Variants in FAM13A observed in about 807,000 individuals in gnomAD.
FAM13A encodes the protein protein FAM13A.
In FAM13A, 76 loss-of-function variants were observed where a neutral mutation model predicts 129.6. The ratio of observed to expected loss-of-function variants is 0.59; its 90% CI spans 0.49 to 0.71. FAM13A has a LOEUF of 0.71. FAM13A is among the 30% of genes least tolerant of loss of function. The pLI, the probability that FAM13A is intolerant of heterozygous loss-of-function variation, is 0.00. For missense variants in FAM13A, 1,108 were observed against 1,249.3 expected (o/e 0.89, Z 1.70); for synonymous variants, 443 against 449.9 (o/e 0.98, Z 0.20).
At chr4:88,845,604 AT>A (rs1736510233) in intron 7 of FAM13A, among the ~76,000 whole-genome samples, 1 of 152,222 alleles carries the variant, frequency 6.6e-6, no homozygotes, top group Non-Finnish European at 1.5e-5. Flanking sequence ...ATTAAAAAAA[AT>A]TGAAAAAATG....
intron 7 of FAM13A, among the ~76,000 whole-genome samples, chr4:88,836,864 G>T (rs1330333027): frequency 6.6e-6 from 1 of 151,868 alleles, no homozygotes; most frequent in Admixed American, 6.6e-5. Context: ...GGAGGCTGAG[G>T]CAGGAGAATC....
At chr4:88,732,889 G>A (rs1738151476) in intron 21 of FAM13A, among the ~76,000 whole-genome samples, 1 of 151,254 alleles carries the variant, frequency 6.6e-6, no homozygotes. Context: ...TATTGATAAT[G>A]CAAATAGAAA....
intron 3 of FAM13A, among the ~76,000 whole-genome samples, chr4:88,998,128 C>T (rs1044153503): frequency 3.9e-5 from 6 of 152,182 alleles, no homozygotes; most frequent in African/African-American, 9.7e-5. Flanking sequence ...GGAGCCTAGA[C>T]TGTCACCTTG....
At chr4:88,864,179 C>T (rs559291921) in intron 6 of FAM13A, among the ~76,000 whole-genome samples, 10 of 152,120 alleles carry the variant, frequency 6.6e-5, no homozygotes, top group Non-Finnish European at 1.2e-4. Flanking sequence ...GAGAAGTAGT[C>T]AAAGGAATGC....
intron 4 of FAM13A, among the ~76,000 whole-genome samples, chr4:88,969,209 T>C (rs73843733): frequency 1.6e-3 from 245 of 152,204 alleles, no homozygotes; most frequent in African/African-American, 5.6e-3. Context: ...AAATAAAAAA[T>C]TTAAAAGAAA....
intron 11 of FAM13A, among the ~76,000 whole-genome samples, chr4:88,770,333 T>G (rs1048409362): frequency 1.1e-4 from 16 of 152,222 alleles, no homozygotes; most frequent in African/African-American, 3.9e-4. Context: ...TTCAACAGAT[T>G]ATCAGACTCT....
intron 4 of FAM13A, among the ~76,000 whole-genome samples, chr4:88,978,673 A>C (rs868037230): frequency 1.3e-5 from 2 of 152,122 alleles, no homozygotes; most frequent in Non-Finnish European, 1.5e-5. Context: ...GGGCGCCTGT[A>C]GTCCCAGCTG....
In FAM13A at chr4:88,731,380, C is replaced by T; in HGVS notation, c.2892G>A (p.Arg964=). 6.2e-7 allele frequency: 1 copy of T among 1,608,158 alleles called. No homozygotes were observed. Among genetic ancestry groups the T allele is most frequent in the Non-Finnish European group, 8.5e-7 (1 of 1,179,656 alleles). The part of the protein sequence containing the change: ...HLQEMREEKK[R]IRKKLRDFED... ...CAAAATCCCGAAGTTTCTTTCGAATCCTTTTCTTTTCTTCTCTCATTTCCT... is the reference window on the plus strand; with the variant it reads ...CAAAATCCCGAAGTTTCTTTCGAATTCTTTTCTTTTCTTCTCTCATTTCCT... The change falls in exon 23 of 24, where the codon AGG becomes AGA. Residue 964 remains arginine, a synonymous_variant. Coordinates refer to ENST00000264344, the MANE Select transcript of FAM13A (RefSeq NM_014883.4).
chr4:88,906,005 T>C (rs894699267), intron 6 of FAM13A, among the ~76,000 whole-genome samples: 4 of 152,256 alleles, frequency 2.6e-5, no homozygotes, highest in African/African-American at 9.6e-5. Flanking sequence ...AGAAACATGC[T>C]GGCCGGGCAT....
chr4:89,016,792 G>A (rs763120112), intron 3 of FAM13A, among the ~76,000 whole-genome samples: 1 of 151,850 alleles, frequency 6.6e-6, no homozygotes, highest in African/African-American at 2.4e-5. Flanking sequence ...ATGCCTCCAC[G>A]CCCTGCTAAT....
chr4:88,851,206 G>T, intron 6 of FAM13A, 23 bp from the exon 7 acceptor site: 1 of 1,530,292 alleles, frequency 6.5e-7, no homozygotes, highest in African/African-American at 1.4e-5. Context: ...AAAAAGAGGG[G>T]TGGGGGAGAG....
At chr4:88,949,678 G>A (rs999700881) in intron 4 of FAM13A, among the ~76,000 whole-genome samples, 3 of 152,140 alleles carry the variant, frequency 2.0e-5, no homozygotes, top group Non-Finnish European at 2.9e-5. Context: ...TTAGAATTGA[G>A]GTGAGGCAAT....
At chr4:88,795,445 A>G (rs1284518890) in intron 8 of FAM13A, among the ~76,000 whole-genome samples, 1 of 151,812 alleles carries the variant, frequency 6.6e-6, no homozygotes, top group Admixed American at 6.6e-5. Flanking sequence ...GATGTTTTCA[A>G]TTTTATATAT....
intron 5 of FAM13A, among the ~76,000 whole-genome samples, chr4:88,922,640 A>G (rs1447872621): frequency 6.6e-6 from 1 of 152,198 alleles, no homozygotes; most frequent in Non-Finnish European, 1.5e-5. Context: ...CAATTAAAAG[A>G]ACTAGAAAAG....
At chr4:88,967,219 T>G (rs897007754) in intron 4 of FAM13A, among the ~76,000 whole-genome samples, 8 of 152,246 alleles carry the variant, frequency 5.3e-5, no homozygotes, top group Non-Finnish European at 8.8e-5. Context: ...ATAGTGTTTC[T>G]GTGTGTTTTC....
chr4:88,960,917 A>G (rs1204057588), intron 4 of FAM13A, among the ~76,000 whole-genome samples: 1 of 152,204 alleles, frequency 6.6e-6, no homozygotes, highest in Admixed American at 6.5e-5. Flanking sequence ...AAGAAACTTT[A>G]AAAAAATTAT....
Position 89,020,460 on chromosome 4 carries a change from C to T in FAM13A, c.427G>A (p.Asp143Asn), listed in dbSNP as rs1767112564. ...TCCTAAAAGGATTTATTGTACTAAC[C>T]CTGAAAGAGTTGAATGAATCGAGGC... Reference protein sequence around the residue: ...LQPRFIQLFQDGRNDVQESSL... With the variant: ...LQPRFIQLFQNGRNDVQESSL... Residue 143 changes from aspartate to asparagine, a missense_variant and splice_region_variant, in exon 3 of 24, where the codon GAT (aspartate) becomes AAT (asparagine). Coordinates refer to ENST00000264344, the MANE Select transcript of FAM13A (RefSeq NM_014883.4). 8.1e-6 allele frequency: 13 copies of T among 1,611,462 alleles called. No homozygotes were observed. Among genetic ancestry groups the T allele is most frequent in the South Asian group, 2.2e-5 (2 of 90,986 alleles).
intron 14 of FAM13A, 43 bp downstream of exon 14, chr4:88,758,711 T>G (rs1345777019): frequency 6.3e-7 from 1 of 1,576,016 alleles, no homozygotes; most frequent in South Asian, 1.2e-5. Flanking sequence ...TATTTATATA[T>G]GCTTTAATGA....
At chr4:88,800,698 A>C (rs1321485716) in intron 8 of FAM13A, among the ~76,000 whole-genome samples, 1 of 147,616 alleles carries the variant, frequency 6.8e-6, no homozygotes, top group African/African-American at 2.5e-5. Context: ...AACAAAAACA[A>C]AAAAAAAAAA....
Sources: gnomAD v4.1 joint callset for allele counts (sites outside exome capture counted in the v4.1 genomes callset) on GRCh38, gnomAD v4.1.1 for gene constraint, MANE v1.5 for transcripts, NCBI Gene and HGNC (gene_info 2026-07-23, HGNC 2026-07-21) for gene names.